Variants in MEIS2 observed in about 807,000 individuals in gnomAD.
MEIS2 encodes the protein Meis homeobox 2.
Under a neutral mutation model 58.6 loss-of-function variants are expected in MEIS2, and 9 were observed. The ratio of observed to expected loss-of-function variants is 0.15; its 90% confidence interval spans 0.09 to 0.27. The LOEUF (loss-of-function observed/expected upper bound fraction) is 0.27. MEIS2 is among the 10% of genes least tolerant of loss of function. The pLI, the probability that MEIS2 is intolerant of heterozygous loss-of-function variation, is 1.00. For missense variants in MEIS2, 427 were observed against 635.0 expected (o/e 0.67, Z 3.52); for synonymous variants, 221 against 228.4 (o/e 0.97, Z 0.29).
chr15:37,087,064 A>G (rs1892975643), intron 6 of MEIS2, among the ~76,000 whole-genome samples: 1 of 152,168 alleles, frequency 6.6e-6, no homozygotes. Flanking sequence ...CTGAAACCAA[A>G]GTGACATACA....
chr15:36,901,417 C>T (rs896051), intron 9 of MEIS2, among the ~76,000 whole-genome samples: 133,448 of 152,208 alleles, frequency 0.88, 58,840 homozygotes, highest in East Asian at 0.98. Flanking sequence ...ATAAGGCAAG[C>T]TTAATGCCTT....
intron 8 of MEIS2, among the ~76,000 whole-genome samples, chr15:36,985,737 G>A (rs563334470): frequency 6.6e-6 from 1 of 152,242 alleles, no homozygotes; most frequent in Admixed American, 6.5e-5. Context: ...TTATAGAAAG[G>A]TCACAGTTGA....
At position 37,046,010 on chromosome 15, in the gene MEIS2, T is replaced by C. The variant is rs894930423; in HGVS notation, c.755-9051A>G. Among the ~76,000 whole-genome samples, 5 of 152,352 alleles carry C rather than the reference T, an allele frequency of 3.3e-5. No homozygotes were observed. In the East Asian group the frequency reaches 5.8e-4, roughly 18 times the overall value. ...AAAGGGAAAAAAAGAGGGGATTTTATGCTCCTTTCTCTTCAACTTTTCAGG... is the reference window on the plus strand; with the variant it reads ...AAAGGGAAAAAAAGAGGGGATTTTACGCTCCTTTCTCTTCAACTTTTCAGG... On this transcript the variant is annotated intron_variant, in intron 7 of 11. Coordinates refer to ENST00000561208, the MANE Select transcript of MEIS2 (RefSeq NM_170675.5).
chr15:37,046,966 T>C (rs903148738), intron 7 of MEIS2, among the ~76,000 whole-genome samples: 4 of 152,176 alleles, frequency 2.6e-5, no homozygotes, highest in Non-Finnish European at 4.4e-5. Flanking sequence ...TAAAGGATAC[T>C]GACTGACCCT....
At chr15:37,015,454 C>CCA (rs1234989172) in intron 8 of MEIS2, among the ~76,000 whole-genome samples, 5 of 139,004 alleles carry the variant, frequency 3.6e-5, no homozygotes, top group South Asian at 2.3e-4. Flanking sequence ...AGGAGTATAT[C>CCA]CACACACACA....
intron 6 of MEIS2, among the ~76,000 whole-genome samples, chr15:37,088,833 C>G (rs1893192349): frequency 6.6e-6 from 1 of 152,022 alleles, no homozygotes; most frequent in African/African-American, 2.4e-5. Context: ...TAAAATGCCT[C>G]TTAAAACTTT....
chr15:36,954,425 A>G (rs908988650), intron 8 of MEIS2, among the ~76,000 whole-genome samples: 1 of 147,898 alleles, frequency 6.8e-6, no homozygotes, highest in African/African-American at 2.5e-5. Flanking sequence ...TTAAAAATAT[A>G]ATATCAATTT....
At chr15:36,992,326 T>A (rs1006189804) in intron 8 of MEIS2, among the ~76,000 whole-genome samples, 1 of 152,226 alleles carries the variant, frequency 6.6e-6, no homozygotes, top group Non-Finnish European at 1.5e-5. Context: ...GTTGCTAAAG[T>A]TTTTTTAAGA....
At chr15:37,015,924 C>T (rs867106746) in intron 8 of MEIS2, among the ~76,000 whole-genome samples, 61 of 151,954 alleles carry the variant, frequency 4.0e-4, no homozygotes, top group African/African-American at 1.4e-3. Context: ...CGAAAGAAAA[C>T]CATCCTGTCC....
intron 8 of MEIS2, among the ~76,000 whole-genome samples, chr15:36,993,482 A>G (rs1192774051): frequency 6.6e-6 from 1 of 152,168 alleles, no homozygotes; most frequent in African/African-American, 2.4e-5. Context: ...AAAGATAACT[A>G]TCAGAGGAAT....
At chr15:36,991,783 C>CTT (rs11285545) in intron 8 of MEIS2, among the ~76,000 whole-genome samples, 1,680 of 50,854 alleles carry the variant, frequency 0.033, 157 homozygotes, top group African/African-American at 0.06. Context: ...TTTTTTTTTT[C>CTT]TTTTTTTTTT....
intron 7 of MEIS2, among the ~76,000 whole-genome samples, chr15:37,059,484 G>C (rs1395377568): frequency 6.6e-6 from 1 of 152,130 alleles, no homozygotes; most frequent in Admixed American, 6.5e-5. Context: ...GATAATTTCT[G>C]TACAGCTAAG....
At chr15:36,986,135 G>A (rs2060085400) in intron 8 of MEIS2, among the ~76,000 whole-genome samples, 1 of 151,948 alleles carries the variant, frequency 6.6e-6, no homozygotes, top group African/African-American at 2.4e-5. Context: ...TTTTATTTGG[G>A]GGATGATCAA....
At chr15:36,906,651 G>GAAAAAAA (rs56715244) in intron 9 of MEIS2, among the ~76,000 whole-genome samples, 1 of 96,552 alleles carries the variant, frequency 1.0e-5, no homozygotes, top group Non-Finnish European at 2.1e-5. Flanking sequence ...AGCCACTCAA[G>GAAAAAAA]AAAAAAAAAA....
chr15:36,942,907 C>T (rs2058426102), intron 9 of MEIS2, among the ~76,000 whole-genome samples: 1 of 152,044 alleles, frequency 6.6e-6, no homozygotes, highest in Admixed American at 6.6e-5. Flanking sequence ...TCTGATCTAT[C>T]TTTTTACCTT....
At chr15:37,069,491 G>A (rs959485143) in intron 7 of MEIS2, among the ~76,000 whole-genome samples, 1 of 152,090 alleles carries the variant, frequency 6.6e-6, no homozygotes, top group Non-Finnish European at 1.5e-5. Flanking sequence ...GCCTCTTCTT[G>A]GTCATTTCAA....
Position 36,896,883 on chromosome 15 carries a change from C to A in MEIS2, c.978-197G>T, listed in dbSNP as rs575635748. 7.4e-6 allele frequency: 4 copies of A among 541,344 alleles called. No individual in the cohort carries two copies. In the South Asian group the frequency reaches 1.0e-4, roughly 14 times the overall value. The allele number at this position is 541,344 out of a possible 1,614,324, so 33.5% of individuals were successfully genotyped here. A position where few individuals can be genotyped will look rare whatever the true frequency, so the allele number is the denominator to read the frequency against. ...TCCGTCGTCACTGCGTAGTCAACTC[C>A]AAAACAACTTGCTAGAAGAGCTCAG... is the stretch of plus-strand genomic sequence containing the variant. On this transcript the variant is annotated intron_variant, in intron 9 of 11. Coordinates refer to ENST00000561208, the MANE Select transcript of MEIS2 (RefSeq NM_170675.5).
chr15:36,932,596 T>C (rs2058023090), intron 9 of MEIS2, among the ~76,000 whole-genome samples: 4 of 152,208 alleles, frequency 2.6e-5, no homozygotes, highest in South Asian at 4.1e-4. Context: ...CATTTGTTTT[T>C]GGATTTAATT....
At chr15:36,935,364 G>T (rs2058128816) in intron 9 of MEIS2, among the ~76,000 whole-genome samples, 1 of 151,582 alleles carries the variant, frequency 6.6e-6, no homozygotes, top group Non-Finnish European at 1.5e-5. Flanking sequence ...TTGAAGACTT[G>T]TTGAGGTTCC....
Sources: allele counts gnomAD v4.1 joint callset (sites outside exome capture counted in the v4.1 genomes callset), GRCh38; gene constraint gnomAD v4.1.1; transcripts MANE v1.5; gene names NCBI Gene and HGNC (gene_info 2026-07-23, HGNC 2026-07-21).